CHEK1: variants seen among roughly 807,000 people sequenced by gnomAD.
CHEK1 encodes checkpoint kinase 1, also known as serine/threonine-protein kinase Chk1.
Under a neutral mutation model 60.2 loss-of-function variants are expected in CHEK1, and 32 were observed. The ratio of observed to expected loss-of-function variants is 0.53; its 90% CI spans 0.40 to 0.71. CHEK1 has a LOEUF of 0.71. CHEK1 is among the 30% of genes least tolerant of loss of function. The pLI is 0.00. For missense variants in CHEK1, 399 were observed against 564.6 expected, an observed-to-expected ratio of 0.71 and a Z score of 2.97; for synonymous variants, 179 against 187.2, an observed-to-expected ratio of 0.96 and a Z score of 0.36.
At chr11:125,637,651 C>A (rs113067343) in intron 8 of CHEK1, 107 bp downstream of exon 8, 7 of 622,352 alleles carry the variant, frequency 1.1e-5, no homozygotes, top group African/African-American at 5.7e-5. Flanking sequence ...TCTCTGTCCT[C>A]ATGGAGATTA....
At chr11:125,641,317 C>T (rs1941296768) in intron 8 of CHEK1, among the ~76,000 whole-genome samples, 1 of 152,116 alleles carries the variant, frequency 6.6e-6, no homozygotes, top group Non-Finnish European at 1.5e-5. Context: ...TCGCTCTTTT[C>T]AGTCTCTTGA....
intron 13 of CHEK1, among the ~76,000 whole-genome samples, chr11:125,662,667 A>G (rs1035619211): frequency 1.3e-5 from 2 of 152,150 alleles, no homozygotes; most frequent in African/African-American, 4.8e-5. Context: ...CTCTTTTGCT[A>G]TTGTGACTAA....
chr11:125,666,652 T>A (rs1325879709), intron 13 of CHEK1, among the ~76,000 whole-genome samples: 1 of 152,212 alleles, frequency 6.6e-6, no homozygotes, highest in African/African-American at 2.4e-5. Flanking sequence ...TAGTAATATT[T>A]GCTTTATATA....
intron 13 of CHEK1, chr11:125,671,579 G>C (rs1026026185): frequency 6.6e-6 from 1 of 152,072 alleles, no homozygotes; most frequent in African/African-American, 2.4e-5. Flanking sequence ...TTGACTTCTT[G>C]TTGTACTGTT....
chr11:125,649,575 A>G (rs927249298), intron 11 of CHEK1, among the ~76,000 whole-genome samples: 7 of 152,010 alleles, frequency 4.6e-5, no homozygotes, highest in African/African-American at 1.7e-4. Context: ...AATATTTTAA[A>G]AATTAGTTGG....
rs988944790 is a variant in CHEK1 at position 125,656,272 on chromosome 11, A to G, written c.*952A>G. 1.4e-5 allele frequency: 3 copies of G among 213,560 alleles called. No homozygotes were observed. Among genetic ancestry groups the G allele is most frequent in the African/African-American group, 6.8e-5 (3 of 44,284 alleles). 13.2% of individuals were successfully genotyped at this position (213,560 alleles called of 1,614,324 possible). A position where few individuals can be genotyped will look rare whatever the true frequency, so the allele number is the denominator to read the frequency against. On this transcript the variant is annotated 3_prime_UTR_variant, in exon 13 of 13. Transcript: ENST00000438015. ...AGGCTGAGAGAGGAGGATCGCGTGA[A>G]CCTGGAAGTTTGAGGCTGTAGTGAG...
downstream of CHEK1, chr11:125,677,668 TGA>T: frequency 3.9e-6 from 5 of 1,285,410 alleles, no homozygotes; most frequent in Non-Finnish European, 5.4e-6. Flanking sequence ...AGAGAGACTT[TGA>T]GAGAGCTGTT....
At chr11:125,668,822 T>C (rs547455084) in intron 13 of CHEK1, among the ~76,000 whole-genome samples, 2 of 152,276 alleles carry the variant, frequency 1.3e-5, no homozygotes, top group East Asian at 3.9e-4. Context: ...CTCCTAAAGT[T>C]CTGAGATTAC....
chr11:125,675,038 T>G (rs1470792173), intron 13 of CHEK1, among the ~76,000 whole-genome samples: 1 of 152,236 alleles, frequency 6.6e-6, no homozygotes, highest in Non-Finnish European at 1.5e-5. Context: ...CTCTTTAATC[T>G]TGACTGCACA....
rs1357805476 is a variant in CHEK1 at position 125,643,916 on chromosome 11, A to T, written c.923+16A>T. ...GTGCTTCTAGGTAAGACTGATAAAG[A>T]TTGAGTAGTTTTTGATTGTAGTATT... On this transcript the variant is annotated intron_variant, in intron 9 of 12. Coordinates refer to ENST00000438015, the MANE Select transcript of CHEK1 (RefSeq NM_001114122.3). 1 of 1,600,304 alleles carries T rather than the reference A, an allele frequency of 6.2e-7. No individual in the cohort carries two copies. Among genetic ancestry groups the T allele is most frequent in the Non-Finnish European group, 8.5e-7 (1 of 1,170,638 alleles).
At chr11:125,678,990 A>ATATATATATATATATATATATG (rs1942660160), downstream of CHEK1, among the ~76,000 whole-genome samples, 2 of 140,470 alleles carry the variant, frequency 1.4e-5, 1 homozygote, top group Admixed American at 1.4e-4. Flanking sequence ...ATATATATAT[A>ATATATATATATATATATATATG]TATATATAGA....
chr11:125,670,510 T>C (rs1338196341), intron 13 of CHEK1, among the ~76,000 whole-genome samples: 1 of 152,206 alleles, frequency 6.6e-6, no homozygotes, highest in Non-Finnish European at 1.5e-5. Flanking sequence ...TCTCCTTCAA[T>C]GTGGACAGAA....
intron 12 of CHEK1, among the ~76,000 whole-genome samples, chr11:125,654,984 T>C (rs751909875): frequency 2.0e-5 from 3 of 152,330 alleles, no homozygotes; most frequent in Middle Eastern, 3.4e-3. Context: ...CATGTTTATC[T>C]GCTCTCTGAG....
rs1941915068 is a variant in CHEK1 at position 125,656,807 on chromosome 11, T to C, written c.*1487T>C. On this transcript the variant is annotated 3_prime_UTR_variant, in exon 13 of 13. Coordinates refer to ENST00000438015, the MANE Select transcript of CHEK1 (RefSeq NM_001114122.3). ...AAATGTTACTTCCTCTGCAAAGTCT[T>C]TCCCTGACTTATCTAAAATAATAAC... is the stretch of plus-strand genomic sequence containing the variant. The C allele has an allele frequency of 4.7e-6, 1 of 213,408 alleles. No homozygotes were observed. The highest frequency in any genetic ancestry group is 9.5e-6 in the Non-Finnish European group (1 of 105,406). The allele number at this position is 213,408 out of a possible 1,614,324, so 13.2% of individuals were successfully genotyped here. A position where few individuals can be genotyped will look rare whatever the true frequency, so the allele number is the denominator to read the frequency against.
At chr11:125,634,640 C>A (rs1018744954) in intron 6 of CHEK1, among the ~76,000 whole-genome samples, 2 of 145,554 alleles carry the variant, frequency 1.4e-5, no homozygotes, top group African/African-American at 5.2e-5. Context: ...TGTCCGGGCA[C>A]ACAAGCCCTT....
chr11:125,634,682 C>T (rs987996647), intron 6 of CHEK1, among the ~76,000 whole-genome samples: 2 of 152,110 alleles, frequency 1.3e-5, no homozygotes, highest in African/African-American at 4.8e-5. Context: ...AATAAGAGCA[C>T]TAATACCATT....
chr11:125,627,578 T>C (rs1367297406), intron 2 of CHEK1, 29 bp from the exon 3 acceptor site: 2 of 1,551,798 alleles, frequency 1.3e-6, no homozygotes, highest in South Asian at 1.2e-5. Flanking sequence ...AATGGAATTC[T>C]GTAATGTTAA....
downstream of CHEK1, chr11:125,657,183 A>C: frequency 1.0e-5 from 1 of 97,588 alleles, no homozygotes; most frequent in East Asian, 1.7e-4. Flanking sequence ...AAATCAACCT[A>C]TGCTTGTGTG....
At chr11:125,673,610 T>C (rs1246239639) in intron 13 of CHEK1, among the ~76,000 whole-genome samples, 1 of 152,158 alleles carries the variant, frequency 6.6e-6, no homozygotes, top group Non-Finnish European at 1.5e-5. Context: ...AACTGTCACA[T>C]TACCAACTAA....
Sources: gnomAD v4.1 joint callset for allele counts (sites outside exome capture counted in the v4.1 genomes callset) on GRCh38, gnomAD v4.1.1 for gene constraint, MANE v1.5 for transcripts, NCBI Gene and HGNC (gene_info 2026-07-23, HGNC 2026-07-21) for gene names.